The following NDUFAF5 variants were observed in gnomAD, a reference collection of about 807,000 sequenced individuals.
The protein encoded by NDUFAF5 is NADH:ubiquinone oxidoreductase complex assembly factor 5.
In NDUFAF5, 34 loss-of-function variants were observed where a neutral mutation model predicts 48.9. That is an observed-to-expected ratio of 0.70 (90% CI 0.53 to 0.93). NDUFAF5 has a LOEUF of 0.93. Ranked by LOEUF, NDUFAF5 falls within the 40% of genes least tolerant of loss-of-function variation. The probability of loss-of-function intolerance (pLI) is 0.00; values close to 1 mark genes in which losing one functional copy is unlikely to be tolerated. For missense variants in NDUFAF5, 428 were observed against 427.5 expected (o/e 1.00, Z -0.01); for synonymous variants, 153 against 150.6 (o/e 1.02, Z -0.12).
intron 8 of NDUFAF5, among the ~76,000 whole-genome samples, chr20:13,815,464 G>A (rs750997519): frequency 6.6e-5 from 10 of 152,178 alleles, no homozygotes; most frequent in Non-Finnish European, 1.5e-4. Context: ...GATTTTAGTA[G>A]CAGAGATTCA....
chr20:13,807,670 G>A (rs890239376), intron 7 of NDUFAF5, among the ~76,000 whole-genome samples: 1 of 151,552 alleles, frequency 6.6e-6, no homozygotes, highest in Admixed American at 6.6e-5. Flanking sequence ...CCAGCCAGGC[G>A]CCATGGCCCA....
At chr20:13,787,171 T>G in intron 1 of NDUFAF5, 141 bp from the exon 2 acceptor site, 2 of 929,334 alleles carry the variant, frequency 2.2e-6, no homozygotes, top group Non-Finnish European at 3.5e-6. Flanking sequence ...CCTGGTGGTT[T>G]GAGAAGAAAG....
chr20:13,816,570 C>T, intron 9 of NDUFAF5, 24 bp downstream of exon 9: 1 of 1,587,462 alleles, frequency 6.3e-7, no homozygotes, highest in Non-Finnish European at 8.6e-7. Flanking sequence ...ACTCTTTCAC[C>T]CGCCTCACCA....
chr20:13,787,338 A>G lies in NDUFAF5; in HGVS notation c.249A>G (p.Val83=), dbSNP rs781120603. 4 of 1,614,000 alleles carry G rather than the reference A, an allele frequency of 2.5e-6. No homozygotes were observed. The highest frequency in any genetic ancestry group is 1.7e-5 in the Admixed American group (1 of 60,000). Residue 83 remains valine (V), a synonymous_variant, in exon 2 of 11, where the codon GTA becomes GTG. Coordinates refer to ENST00000378106, the MANE Select transcript of NDUFAF5 (RefSeq NM_024120.5). ...EEVGSRIADR[V]YDIPRNFPLA... ...TTGGAAGTCGGATCGCAGACCGTGT[A>G]TATGACATACCCAGGTAAGTGGTGG...
At chr20:13,807,538 T>C (rs911902775) in intron 7 of NDUFAF5, among the ~76,000 whole-genome samples, 1 of 152,184 alleles carries the variant, frequency 6.6e-6, no homozygotes, top group Non-Finnish European at 1.5e-5. Flanking sequence ...GAGATTTTTT[T>C]CCTATAGACA....
At chr20:13,811,230 G>C (rs771604773) in intron 8 of NDUFAF5, among the ~76,000 whole-genome samples, 1 of 152,310 alleles carries the variant, frequency 6.6e-6, no homozygotes. Context: ...GGTGGTTCCA[G>C]TGTGGTCAGG....
At chr20:13,800,111 G>GA (rs1054150218) in intron 6 of NDUFAF5, among the ~76,000 whole-genome samples, 4 of 152,148 alleles carry the variant, frequency 2.6e-5, no homozygotes, top group African/African-American at 9.7e-5. Context: ...AGTTGAAGAT[G>GA]ACTTTGGACT....
At position 13,818,161 on chromosome 20, in the gene NDUFAF5, A is replaced by G. The variant is rs1368154280; in HGVS notation, c.*951A>G. 2.2e-6 allele frequency: 1 copy of G among 453,910 alleles called. No individual in the cohort carries two copies. The highest frequency in any genetic ancestry group is 2.4e-5 in the Admixed American group (1 of 42,548). 28.1% of individuals were successfully genotyped at this position (453,910 alleles called of 1,614,324 possible). On this transcript the variant is annotated 3_prime_UTR_variant, in exon 11 of 11. Coordinates refer to ENST00000378106, the MANE Select transcript of NDUFAF5 (RefSeq NM_024120.5). ...CCTTCCCTCCTTTACTGTATTAGCA[A>G]CAAGCTGTCCATGGGTGGGGGCTGT...
At chr20:13,800,707 A>G (rs1983986088) in intron 6 of NDUFAF5, among the ~76,000 whole-genome samples, 1 of 152,200 alleles carries the variant, frequency 6.6e-6, no homozygotes, top group Admixed American at 6.5e-5. Context: ...CCCCAACTTG[A>G]TGGCTTAAAA....
rs771954824 is a variant in NDUFAF5 at position 13,785,157 on chromosome 20, C to A, written c.89C>A (p.Thr30Asn). Reference sequence around the variant, plus strand: ...GAGAATCTTGGCCGTAGGGAAGTCACCTCTGGTGTCTCTCCCCGCGGTAGC... The same window carrying A: ...GAGAATCTTGGCCGTAGGGAAGTCAACTCTGGTGTCTCTCCCCGCGGTAGC... ...PAENLGRREV[T>N]SGVSPRGSTS... Residue 30 changes from threonine (T) to asparagine (N), a missense_variant, in exon 1 of 11, where the codon ACC becomes AAC. Physicochemically the swap from Thr to Asn is moderately conservative, Grantham distance 65 (BLOSUM62 0). Transcript: ENST00000378106. 3 of 1,613,980 alleles carry A rather than the reference C, an allele frequency of 1.9e-6. No individual in the cohort carries two copies. The South Asian group carries it at 3.3e-5, about 18-fold the overall frequency.
intron 7 of NDUFAF5, among the ~76,000 whole-genome samples, chr20:13,802,853 A>G (rs1403563579): frequency 6.6e-6 from 1 of 152,052 alleles, no homozygotes; most frequent in Non-Finnish European, 1.5e-5. Flanking sequence ...ATCTGGAGAG[A>G]ATGATTGCCC....
intron 7 of NDUFAF5, among the ~76,000 whole-genome samples, chr20:13,805,390 C>A (rs1012998434): frequency 1.3e-5 from 2 of 152,020 alleles, no homozygotes; most frequent in African/African-American, 2.4e-5. Flanking sequence ...AATGTTTAAC[C>A]TGATGTTAAA....
intron 3 of NDUFAF5, among the ~76,000 whole-genome samples, chr20:13,792,126 A>G (rs1336928595): frequency 6.6e-6 from 1 of 152,194 alleles, no homozygotes; most frequent in Admixed American, 6.5e-5. Flanking sequence ...TCTTAGTTCA[A>G]ATTTTCAAGT....
chr20:13,794,575 A>C (rs1982872913), intron 4 of NDUFAF5, among the ~76,000 whole-genome samples: 1 of 152,186 alleles, frequency 6.6e-6, no homozygotes, highest in Non-Finnish European at 1.5e-5. Flanking sequence ...CACCACGCCC[A>C]GCCAAACTAG....
At chr20:13,815,101 T>C (rs932240686) in intron 8 of NDUFAF5, among the ~76,000 whole-genome samples, 1 of 152,234 alleles carries the variant, frequency 6.6e-6, no homozygotes, top group Admixed American at 6.5e-5. Context: ...GTGCATCACA[T>C]GTTTATGTCT....
At chr20:13,793,094 A>G (rs541370524) in intron 3 of NDUFAF5, 86 bp from the exon 4 acceptor site, 1 of 1,435,658 alleles carries the variant, frequency 7.0e-7, no homozygotes, top group Non-Finnish European at 9.8e-7. Context: ...GAAAATTAAA[A>G]TGTAATTAAC....
chr20:13,792,293 A>G (rs757509939), intron 3 of NDUFAF5, among the ~76,000 whole-genome samples: 1 of 152,186 alleles, frequency 6.6e-6, no homozygotes, highest in Admixed American at 6.5e-5. Context: ...CAGACAGGGA[A>G]GTGGGTGTGG....
chr20:13,787,260 T>A, intron 1 of NDUFAF5, 52 bp from the exon 2 acceptor site: 2 of 1,584,994 alleles, frequency 1.3e-6, no homozygotes. Context: ...TGTTGAATAC[T>A]GGAAAAAGAG....
At chr20:13,816,608 C>A in intron 9 of NDUFAF5, 62 bp downstream of exon 9, 2 of 1,324,102 alleles carry the variant, frequency 1.5e-6, no homozygotes, top group Non-Finnish European at 2.2e-6. Flanking sequence ...CATGTTGATT[C>A]CCTTCACGTT....
Sources: gnomAD v4.1 joint callset for allele counts (sites outside exome capture counted in the v4.1 genomes callset) on GRCh38, gnomAD v4.1.1 for gene constraint, MANE v1.5 for transcripts, NCBI Gene and HGNC (gene_info 2026-07-23, HGNC 2026-07-21) for gene names.